The following ST6GAL2 variants were observed in gnomAD, a reference collection of about 807,000 sequenced individuals.
The protein encoded by ST6GAL2 is ST6 beta-galactoside alpha-2,6-sialyltransferase 2, also known as beta-galactoside alpha-2,6-sialyltransferase 2.
ST6GAL2 carries 24 observed loss-of-function variants against 37.5 expected under a neutral mutation model. The observed-to-expected ratio is 0.64, with a 90% CI of 0.46 to 0.90. The LOEUF (loss-of-function observed/expected upper bound fraction) is 0.90, where lower values mean the gene tolerates loss of function less well. ST6GAL2 is among the 40% of genes least tolerant of loss of function. ST6GAL2 has a pLI of 0.00. For synonymous variants in ST6GAL2, 306 were observed against 295.1 expected, an observed-to-expected ratio of 1.04 and a Z score of -0.38; for missense variants, 715 against 712.7, an observed-to-expected ratio of 1.00 and a Z score of -0.04.
At chr2:106,852,130 C>T (rs1213890867) in intron 1 of ST6GAL2, among the ~76,000 whole-genome samples, 2 of 152,238 alleles carry the variant, frequency 1.3e-5, no homozygotes, top group Non-Finnish European at 2.9e-5. Context: ...TATTCATTAT[C>T]CCTCTAGTTT....
chr2:106,853,790 C>T (rs1677467780), intron 1 of ST6GAL2, among the ~76,000 whole-genome samples: 1 of 152,092 alleles, frequency 6.6e-6, no homozygotes, highest in South Asian at 2.1e-4. Context: ...TGGGCATCTC[C>T]CAGTTGAGGA....
chr2:106,816,111 T>G (rs1487467802), intron 5 of ST6GAL2, among the ~76,000 whole-genome samples: 4 of 152,216 alleles, frequency 2.6e-5, no homozygotes, highest in Admixed American at 2.6e-4. Context: ...TAAAATTGTA[T>G]AAACATTTAG....
intron 5 of ST6GAL2, chr2:106,823,287 G>A (rs559993935): frequency 6.6e-6 from 1 of 152,030 alleles, no homozygotes; most frequent in Non-Finnish European, 1.5e-5. Context: ...AAAAAGCTCA[G>A]CCGTGCCTAT....
At chr2:106,837,172 A>G (rs1187216095) in intron 2 of ST6GAL2, among the ~76,000 whole-genome samples, 3 of 152,142 alleles carry the variant, frequency 2.0e-5, no homozygotes, top group Non-Finnish European at 4.4e-5. Flanking sequence ...GTTTCTTTTC[A>G]AGTTAAAATT....
At chr2:106,846,222 TGATA>T (rs1480793079) in intron 1 of ST6GAL2, among the ~76,000 whole-genome samples, 2 of 152,218 alleles carry the variant, frequency 1.3e-5, no homozygotes, top group Non-Finnish European at 2.9e-5. Context: ...TGAGTGATAA[TGATA>T]GATTGTTGTT....
intron 1 of ST6GAL2, among the ~76,000 whole-genome samples, chr2:106,880,851 G>T (rs1430484403): frequency 6.6e-6 from 1 of 152,168 alleles, no homozygotes. Context: ...CCTGATTGCT[G>T]ATGTAACAAC....
At chr2:106,851,286 C>T (rs1411032934) in intron 1 of ST6GAL2, among the ~76,000 whole-genome samples, 1 of 152,164 alleles carries the variant, frequency 6.6e-6, no homozygotes, top group Non-Finnish European at 1.5e-5. Context: ...TGCTGGAAAT[C>T]ACGGTGATTG....
intron 1 of ST6GAL2, among the ~76,000 whole-genome samples, chr2:106,846,818 T>C (rs1464558583): frequency 1.3e-5 from 2 of 152,248 alleles, no homozygotes; most frequent in African/African-American, 4.8e-5. Flanking sequence ...GCTTACTATA[T>C]ATACAGGTCT....
intron 1 of ST6GAL2, among the ~76,000 whole-genome samples, chr2:106,866,935 T>C (rs1382234066): frequency 2.0e-5 from 3 of 152,170 alleles, no homozygotes; most frequent in Non-Finnish European, 4.4e-5. Context: ...TGCTTTTAAA[T>C]TTGCATTTAA....
intron 2 of ST6GAL2, chr2:106,841,225 C>G (rs140234927): frequency 1.3e-5 from 2 of 152,334 alleles, no homozygotes; most frequent in African/African-American, 4.8e-5. Context: ...AGCCTGCCTA[C>G]AGTGGCTTCA....
chr2:106,839,533 A>G (rs1322545532), intron 2 of ST6GAL2, among the ~76,000 whole-genome samples: 1 of 152,168 alleles, frequency 6.6e-6, no homozygotes, highest in Admixed American at 6.5e-5. Context: ...TGATCAATAA[A>G]TAATGCTAAT....
chr2:106,884,191 A>T (rs1408289319), intron 1 of ST6GAL2, among the ~76,000 whole-genome samples: 1 of 152,144 alleles, frequency 6.6e-6, no homozygotes, highest in African/African-American at 2.4e-5. Flanking sequence ...TTCGCTATTT[A>T]ATCTTTGCTG....
chr2:106,862,264 G>A (rs17033410), intron 1 of ST6GAL2, among the ~76,000 whole-genome samples: 1,535 of 152,232 alleles, frequency 0.01, 31 homozygotes, highest in South Asian at 0.076. Flanking sequence ...TCTGCTCTTG[G>A]CAAGATTTAA....
chr2:106,811,711 T>C lies in ST6GAL2; in HGVS notation c.1319-4762A>G, dbSNP rs573799495. On this transcript the variant is annotated intron_variant, in intron 5 of 5. Transcript: ENST00000409382. ...AATGCTGAGCCTTGTCATTCACAAA[T>C]GACTACCAACAGCACACAGCTCTCA... Among the ~76,000 whole-genome samples, 5 of 152,234 alleles carry C rather than the reference T, an allele frequency of 3.3e-5. No homozygotes were observed. In the South Asian group the frequency reaches 6.2e-4, roughly 19 times the overall value.
At chr2:106,887,012 T>G (rs1381850304), upstream of ST6GAL2, 4 of 152,204 alleles carry the variant, frequency 2.6e-5, no homozygotes, top group African/African-American at 2.4e-5. Context: ...CCTGGACACC[T>G]CCGGGGCACT....
At chr2:106,863,613 A>G (rs1677898243) in intron 1 of ST6GAL2, among the ~76,000 whole-genome samples, 1 of 152,148 alleles carries the variant, frequency 6.6e-6, no homozygotes, top group Non-Finnish European at 1.5e-5. Context: ...CCAAGGAAAT[A>G]CACCTGCAAA....
intron 1 of ST6GAL2, among the ~76,000 whole-genome samples, chr2:106,878,820 G>A (rs1395026066): frequency 1.3e-5 from 2 of 152,168 alleles, no homozygotes; most frequent in Admixed American, 1.3e-4. Context: ...ACTGAGGGAT[G>A]ACTATATTTC....
chr2:106,865,561 C>T (rs10865075), intron 1 of ST6GAL2, among the ~76,000 whole-genome samples: 104,714 of 152,104 alleles, frequency 0.69, 36,430 homozygotes, highest in Non-Finnish European at 0.75. Context: ...TAAGCAATAG[C>T]AAAATTCGTT....
At position 106,859,265 on chromosome 2, in the gene ST6GAL2, CTTAG is replaced by C. The variant is rs928077183; in HGVS notation, c.-57-15235_-57-15232del. The stretch of plus-strand genomic sequence containing the variant: ...GTCTCAAAATATAGCCTAAGTTGAA[CTTAG>C]TTAAAGTTCCATTTTTTGAATACTT... On this transcript the variant is annotated intron_variant, in intron 1 of 5. Transcript: ENST00000409382. Among the ~76,000 whole-genome samples the C allele has an allele frequency of 4.6e-5, 7 of 152,238 alleles. No individual in the cohort carries two copies. In the South Asian group the frequency reaches 8.3e-4, roughly 18 times the overall value.
Sources: gnomAD v4.1 joint callset for allele counts (sites outside exome capture counted in the v4.1 genomes callset) on GRCh38, gnomAD v4.1.1 for gene constraint, MANE v1.5 for transcripts, NCBI Gene and HGNC (gene_info 2026-07-23, HGNC 2026-07-21) for gene names.